The following CCHCR1 variants were observed in gnomAD, a reference collection of about 807,000 sequenced individuals.
The protein encoded by CCHCR1 is HCR (a-helix coiled-coil rod homologue).
In CCHCR1, 91 loss-of-function variants were observed where a neutral mutation model predicts 114.6. The observed-to-expected ratio is 0.79, with a 90% CI of 0.67 to 0.94. The LOEUF is 0.94. CCHCR1 is among the 40% of genes least tolerant of loss of function. The pLI, the probability that CCHCR1 is intolerant of heterozygous loss-of-function variation, is 0.00. For synonymous variants in CCHCR1, 379 were observed against 428.5 expected, an observed-to-expected ratio of 0.88 and a Z score of 1.43; for missense variants, 899 against 1,079.9, an observed-to-expected ratio of 0.83 and a Z score of 2.35.
chr6:31,151,850 G>A lies in CCHCR1; in HGVS notation c.802-728C>T, dbSNP rs1363094688. ...TCAGAGCCACCAAGAGTCATGGGAT[G>A]GACTGGAAAGGAGGGCAAAGTGCCC... On this transcript the variant is annotated intron_variant, in intron 4 of 17. Transcript: ENST00000396268. This position sits in a 1 kb window ranked among gnomAD's most constrained non-coding sequence, Gnocchi z 4.1. Among the ~76,000 whole-genome samples, 1 of 152,120 alleles carries A rather than the reference G, an allele frequency of 6.6e-6. No homozygotes were observed. The highest frequency in any genetic ancestry group is 6.6e-5 in the Admixed American group (1 of 15,264).
In CCHCR1 at chr6:31,157,540, T is replaced by C. The variant is rs774761128; in HGVS notation, c.61A>G (p.Arg21Gly). 1 of 1,613,040 alleles carries C rather than the reference T, an allele frequency of 6.2e-7. No individual in the cohort carries two copies. The highest frequency in any genetic ancestry group is 1.1e-5 in the South Asian group (1 of 91,068). Residue 21 changes from arginine to glycine, a missense_variant, in exon 1 of 18, where the codon AGA (arginine) becomes GGA (glycine). Arg to Gly is a moderately radical substitution (Grantham distance 125). Transcript: ENST00000396268. ...TCCAGACACCAGCAGGCCATGACTC[T>C]TGGGTCCTTCCCTGTTAAAGTGCTG... ...WASTLTGKDP[R>G]VMACWCLDGL...
chr6:31,157,211 C>G, intron 1 of CCHCR1, 122 bp from the exon 2 acceptor site: 1 of 1,029,678 alleles, frequency 9.7e-7, no homozygotes, highest in South Asian at 1.4e-5. Flanking sequence ...CGATGCTTAG[C>G]TCTTTTCCTA....
Position 31,150,320 on chromosome 6 carries a change from G to C in CCHCR1, c.1213-105C>G. The stretch of plus-strand genomic sequence containing the variant: ...TCCTGCCTGGGCAACATGAGCTACA[G>C]CAAGAGGAGTTCACAGGAAGGAGAT... On this transcript the variant is annotated intron_variant, in intron 7 of 17. Transcript: ENST00000396268. This position sits in a 1 kb window ranked among gnomAD's most constrained non-coding sequence, Gnocchi z 5.3. 7.2e-7 allele frequency: 1 copy of C among 1,394,346 alleles called. No individual in the cohort carries two copies. The highest frequency in any genetic ancestry group is 1.0e-6 in the Non-Finnish European group (1 of 998,560). The allele number at this position is 1,394,346 out of a possible 1,614,324, so 86.4% of individuals were successfully genotyped here. A position where few individuals can be genotyped will look rare whatever the true frequency, so the allele number is the denominator to read the frequency against.
chr6:31,146,332 G>A (rs1383732774), intron 10 of CCHCR1, among the ~76,000 whole-genome samples: 4 of 152,110 alleles, frequency 2.6e-5, no homozygotes, highest in South Asian at 4.1e-4. Context: ...GTGACAGAGC[G>A]AGACTCCATC....
At chr6:31,146,689 A>G (rs922216960) in intron 10 of CCHCR1, among the ~76,000 whole-genome samples, 2 of 152,186 alleles carry the variant, frequency 1.3e-5, no homozygotes, top group African/African-American at 4.8e-5. Context: ...AAAGTCTCCA[A>G]TTACCTAGAG....
chr6:31,156,567 C>T (rs1323131777), intron 3 of CCHCR1, 164 bp downstream of exon 3: 2 of 598,556 alleles, frequency 3.3e-6, no homozygotes, highest in Admixed American at 6.8e-5. Context: ...TCATCCCTAG[C>T]ACTTAGCACA....
In CCHCR1 at chr6:31,148,490, G is replaced by C; in HGVS notation, c.1495C>G (p.Arg499Gly). ...CACCGACGCCTGGCCTCCTGAGCAC[G>C]GCTCAGCTCCAACTGCAGGCCCTGG... ...GAKGLQLELS[R>G]AQEARRRWQQ... The change falls in exon 10 of 18, where the codon CGT becomes GGT. Residue 499 changes from arginine (R) to glycine (G), a missense_variant. Transcript: ENST00000396268. 6.2e-7 allele frequency: 1 copy of C among 1,612,568 alleles called. No individual in the cohort carries two copies. Among genetic ancestry groups the C allele is most frequent in the Non-Finnish European group, 8.5e-7 (1 of 1,179,636 alleles).
rs1776235863 is a variant in CCHCR1, at chr6:31,157,547, C to T, written c.54G>A (p.Lys18=). The T allele has an allele frequency of 6.2e-7, 1 of 1,613,018 alleles. No homozygotes were observed. Among genetic ancestry groups the T allele is most frequent in the African/African-American group, 1.3e-5 (1 of 75,064 alleles). ...ARPWASTLTG[K]DPRVMACWCL... ...ACCAGCAGGCCATGACTCTTGGGTCCTTCCCTGTTAAAGTGCTGGCCCAAG... is the reference window on the plus strand; with the variant it reads ...ACCAGCAGGCCATGACTCTTGGGTCTTTCCCTGTTAAAGTGCTGGCCCAAG... The change falls in exon 1 of 18, where the codon AAG becomes AAA. Residue 18 remains lysine (K), a synonymous_variant. Transcript: ENST00000396268.
intron 8 of CCHCR1, chr6:31,149,366 G>C (rs1774868456): frequency 1.3e-5 from 2 of 152,414 alleles, no homozygotes; most frequent in African/African-American, 4.8e-5. Flanking sequence ...CAGAGAGGCT[G>C]TCTCTGAGCA....
chr6:31,150,506 C>T lies in CCHCR1; in HGVS notation c.1161G>A (p.Val387=). ...HATAELLQVR[V]QSLTHILALQ... is the part of the protein sequence containing the mutation. Reference sequence around the variant, plus strand: ...GGGCGAGGATGTGTGTGAGGCTCTGCACCCGCACCTGCAGCAGCTCCGCGG... The same window carrying T: ...GGGCGAGGATGTGTGTGAGGCTCTGTACCCGCACCTGCAGCAGCTCCGCGG... Residue 387 remains valine, a synonymous_variant, in exon 7 of 18, where the codon GTG becomes GTA. Transcript: ENST00000396268. This position sits in a 1 kb window ranked among gnomAD's most constrained non-coding sequence, Gnocchi z 5.3. The T allele has an allele frequency of 2.5e-6, 4 of 1,612,718 alleles. No homozygotes were observed. Among genetic ancestry groups the T allele is most frequent in the Non-Finnish European group, 3.4e-6 (4 of 1,179,956 alleles).
At position 31,151,547 on chromosome 6, in the gene CCHCR1, C is replaced by T. The variant is rs150361599; in HGVS notation, c.802-425G>A. On this transcript the variant is annotated intron_variant, in intron 4 of 17. Coordinates refer to ENST00000396268, the MANE Select transcript of CCHCR1 (RefSeq NM_001105564.2). The surrounding 1 kb of genome is among the most constrained non-coding windows in gnomAD (Gnocchi z 4.1). ...CTCCCACTGCTCCCCGCTCCGGCCA[C>T]GGGGAGTCTGCTGAGAACCAGACAG... Among the ~76,000 whole-genome samples, 966 of 152,320 alleles carry T rather than the reference C, an allele frequency of 6.3e-3. 13 individuals carry two copies. The highest frequency in any genetic ancestry group is 0.021 in the African/African-American group (885 of 41,570).
chr6:31,157,593 G>C lies in CCHCR1; in HGVS notation c.8C>G (p.Pro3Arg), dbSNP rs1776248894. The change falls in exon 1 of 18, where the codon CCA becomes CGA. Residue 3 changes from proline (P) to arginine (R), a missense_variant. Physicochemically the swap from Pro to Arg is moderately radical, Grantham distance 103 (BLOSUM62 -2). Transcript: ENST00000396268. ...CCAAGGCCTGGCCCCAGCTGAATGT[G>C]GCCACATGCAGGGCTAGACCCTCCC... MW[P>R]HSAGARPWAS... 2.5e-6 allele frequency: 4 copies of C among 1,610,364 alleles called. No individual in the cohort carries two copies. Among genetic ancestry groups the C allele is most frequent in the African/African-American group, 1.3e-5 (1 of 74,994 alleles).
At position 31,145,715 on chromosome 6, in the gene CCHCR1, G is replaced by T; in HGVS notation, c.1674C>A (p.Arg558=). Residue 558 remains arginine, a synonymous_variant, in exon 11 of 18, where the codon CGC becomes CGA. Transcript: ENST00000396268. ...SLNNRLSYAV[R]KVHTIRGLIA... ...ACGCACCCCGAATGGTGTGGACCTT[G>T]CGGACAGCATAGCTGAGTCGGTTGT... 1.2e-6 allele frequency: 2 copies of T among 1,613,264 alleles called. No individual in the cohort carries two copies. The highest frequency in any genetic ancestry group is 8.5e-7 in the Non-Finnish European group (1 of 1,179,358).
rs1467375048 is a variant in CCHCR1 at position 31,148,436 on chromosome 6, G to T, written c.1549C>A (p.Gln517Lys). The T allele has an allele frequency of 2.5e-6, 4 of 1,611,440 alleles. No individual in the cohort carries two copies. The South Asian group carries it at 3.3e-5, about 13-fold the overall frequency. The change falls in exon 10 of 18, where the codon CAG becomes AAG. Residue 517 changes from glutamine to lysine, a missense_variant. Physicochemically the swap from Gln to Lys is moderately conservative, Grantham distance 53. Transcript: ENST00000396268. ...WQQQTASAEEQLRLVVNAVSS... is the reference protein window; with the variant it reads ...WQQQTASAEEKLRLVVNAVSS... The stretch of plus-strand genomic sequence containing the variant: ...ACAGCATTGACCACAAGCCTCAGCT[G>T]CTCCTCGGCTGAGGCTGTCTGCTGC...
At chr6:31,146,274 G>A (rs978274093) in intron 10 of CCHCR1, among the ~76,000 whole-genome samples, 3 of 152,204 alleles carry the variant, frequency 2.0e-5, no homozygotes, top group Non-Finnish European at 4.4e-5. Flanking sequence ...GAACCTAGGA[G>A]GTGGAGGTTC....
rs1254894023 is a variant in CCHCR1 at position 31,143,332 on chromosome 6, GCCT to G, written c.2246_2248del (p.Glu749del). 6 of 1,612,778 alleles carry G rather than the reference GCCT, an allele frequency of 3.7e-6. No homozygotes were observed. The African/African-American group carries it at 6.7e-5, about 18-fold the overall frequency. Reference sequence around the variant, plus strand: ...CAGTCGCTGCCCCTCCTCCTTCCGGGCCTCCTCCTGCAGACGCCTGAGTTCCTG... The same window carrying G: ...CAGTCGCTGCCCCTCCTCCTTCCGGGCCTCCTGCAGACGCCTGAGTTCCTG... On this transcript the variant is annotated inframe_deletion, in exon 16 of 18. Transcript: ENST00000396268. This position sits in a 1 kb window ranked among gnomAD's most constrained non-coding sequence, Gnocchi z 5.3.
At position 31,150,094 on chromosome 6, in the gene CCHCR1, C is replaced by T. The variant is rs1006230989; in HGVS notation, c.1334G>A (p.Ser445Asn). The T allele has an allele frequency of 6.2e-7, 1 of 1,614,084 alleles. No individual in the cohort carries two copies. Among genetic ancestry groups the T allele is most frequent in the African/African-American group, 1.3e-5 (1 of 74,922 alleles). The change falls in exon 8 of 18, where the codon AGT becomes AAT. Residue 445 changes from serine to asparagine, a missense_variant. Transcript: ENST00000396268. The surrounding 1 kb of genome is among the most constrained non-coding windows in gnomAD (Gnocchi z 5.3). ...TCCCTTCAGCTGCTTAACAGAGTCACTGTGTTCCAGCTCCTGGGCCTTTAG... is the reference window on the plus strand; with the variant it reads ...TCCCTTCAGCTGCTTAACAGAGTCATTGTGTTCCAGCTCCTGGGCCTTTAG... ...VQLKAQELEH[S>N]DSVKQLKGQV...
At chr6:31,148,846 A>AGGGGGGG in intron 8 of CCHCR1, 118 bp from the exon 9 acceptor site, 1 of 3,932 alleles carries the variant, frequency 2.5e-4, no homozygotes, top group Non-Finnish European at 5.0e-4. Flanking sequence ...GGCTGGGGGG[A>AGGGGGGG]GGGGGGGCGG....
At position 31,154,826 on chromosome 6, in the gene CCHCR1, G is replaced by A; in HGVS notation, c.498-27C>T. On this transcript the variant is annotated intron_variant, in intron 3 of 17. Transcript: ENST00000396268. The surrounding 1 kb of genome is among the most constrained non-coding windows in gnomAD (Gnocchi z 4.1). Reference sequence around the variant, plus strand: ...TTCAAAGACAGGTTAGTGCAGGTGAGACTTGTCTCCAGTGCTGGAAGGATA... The same window carrying A: ...TTCAAAGACAGGTTAGTGCAGGTGAAACTTGTCTCCAGTGCTGGAAGGATA... The A allele has an allele frequency of 6.4e-7, 1 of 1,572,852 alleles. No homozygotes were observed. Among genetic ancestry groups the A allele is most frequent in the East Asian group, 2.3e-5 (1 of 44,370 alleles).
Sources: allele counts gnomAD v4.1 joint callset (sites outside exome capture counted in the v4.1 genomes callset), GRCh38; gene constraint gnomAD v4.1.1; non-coding constraint Gnocchi (gnomAD v3.1); transcripts MANE v1.5; gene names NCBI Gene and HGNC (gene_info 2026-07-23, HGNC 2026-07-21).